NKAIN2: variants seen among roughly 807,000 people sequenced by gnomAD.
NKAIN2 encodes sodium/potassium transporting ATPase interacting 2.
Under a neutral mutation model 32.6 loss-of-function variants are expected in NKAIN2, and 14 were observed. That is an observed-to-expected ratio of 0.43 (90% CI 0.28 to 0.67). The LOEUF (loss-of-function observed/expected upper bound fraction) is 0.67, where lower values mean the gene tolerates loss of function less well. Ranked by LOEUF, NKAIN2 falls within the 30% of genes least tolerant of loss-of-function variation. The pLI, the probability that NKAIN2 is intolerant of heterozygous loss-of-function variation, is 0.17. For missense variants in NKAIN2, 198 were observed against 258.3 expected (o/e 0.77, Z 1.60); for synonymous variants, 80 against 87.2 (o/e 0.92, Z 0.46).
chr6:124,003,515 T>C (rs1308350236), intron 1 of NKAIN2, among the ~76,000 whole-genome samples: 1 of 152,204 alleles, frequency 6.6e-6, no homozygotes. Context: ...CACCAAATGC[T>C]TTTGAATGGA....
intron 4 of NKAIN2, among the ~76,000 whole-genome samples, chr6:124,767,145 T>C (rs9401771): frequency 0.92 from 140,249 of 152,064 alleles, 65,122 homozygotes; most frequent in East Asian, 1. Flanking sequence ...CTGCCCACCT[T>C]GGCCTCCCAA....
chr6:124,537,447 CTG>C (rs1779757833), intron 3 of NKAIN2, among the ~76,000 whole-genome samples: 1 of 152,136 alleles, frequency 6.6e-6, no homozygotes, highest in African/African-American at 2.4e-5. Context: ...TCCTGGAACT[CTG>C]TTGCTTGCTT....
intron 1 of NKAIN2, among the ~76,000 whole-genome samples, chr6:123,956,346 T>G (rs917795245): frequency 5.3e-5 from 8 of 152,154 alleles, no homozygotes; most frequent in Non-Finnish European, 1.0e-4. Context: ...ACCTTAAAAA[T>G]GTAATTAAGA....
intron 3 of NKAIN2, among the ~76,000 whole-genome samples, chr6:124,485,847 C>A (rs1777628474): frequency 6.6e-6 from 1 of 152,068 alleles, no homozygotes; most frequent in Non-Finnish European, 1.5e-5. Context: ...GTCTGGTGTC[C>A]TGTGAGGTGT....
intron 3 of NKAIN2, among the ~76,000 whole-genome samples, chr6:124,384,040 C>T (rs181382697): frequency 2.0e-5 from 3 of 152,242 alleles, no homozygotes; most frequent in Admixed American, 1.3e-4. Context: ...TGTAAGTATT[C>T]AATAAACATT....
chr6:123,908,951 C>G (rs1206344146), intron 1 of NKAIN2, among the ~76,000 whole-genome samples: 1 of 152,180 alleles, frequency 6.6e-6, no homozygotes, highest in African/African-American at 2.4e-5. Context: ...ATGACACTCT[C>G]TACCATTGTT....
chr6:124,441,149 C>A (rs916524727), intron 3 of NKAIN2, among the ~76,000 whole-genome samples: 19 of 152,066 alleles, frequency 1.2e-4, no homozygotes, highest in Non-Finnish European at 1.9e-4. Flanking sequence ...TCACACACTT[C>A]TACCCCTCTT....
At chr6:124,720,701 T>C (rs1383283505) in intron 4 of NKAIN2, among the ~76,000 whole-genome samples, 6 of 152,276 alleles carry the variant, frequency 3.9e-5, no homozygotes, top group Middle Eastern at 3.4e-3. Flanking sequence ...GTTGCAAACC[T>C]GCATCGTGGG....
intron 1 of NKAIN2, among the ~76,000 whole-genome samples, chr6:123,832,695 T>C (rs1774437831): frequency 6.6e-6 from 1 of 152,238 alleles, no homozygotes; most frequent in African/African-American, 2.4e-5. Context: ...TATCTCATTC[T>C]TGTTTTAATA....
intron 4 of NKAIN2, among the ~76,000 whole-genome samples, chr6:124,708,778 C>G (rs1229186109): frequency 2.6e-5 from 4 of 151,450 alleles, no homozygotes; most frequent in South Asian, 4.2e-4. Context: ...ATCATGTCGT[C>G]TGCAAACAGG....
chr6:123,998,679 GA>G (rs1779739628), intron 1 of NKAIN2, among the ~76,000 whole-genome samples: 1 of 151,436 alleles, frequency 6.6e-6, no homozygotes, highest in South Asian at 2.1e-4. Flanking sequence ...TCAAGATATG[GA>G]AACACCCTAA....
intron 1 of NKAIN2, among the ~76,000 whole-genome samples, chr6:124,232,432 G>A (rs933003960): frequency 1.3e-5 from 2 of 152,092 alleles, no homozygotes; most frequent in Non-Finnish European, 2.9e-5. Flanking sequence ...GAGCCTACAT[G>A]TTAAAGAATA....
At chr6:124,526,869 T>C (rs1018032707) in intron 3 of NKAIN2, among the ~76,000 whole-genome samples, 1 of 152,140 alleles carries the variant, frequency 6.6e-6, no homozygotes, top group African/African-American at 2.4e-5. Flanking sequence ...TGTTAATATA[T>C]AGTAATAAAC....
chr6:123,814,795 A>C (rs1487663039), intron 1 of NKAIN2, among the ~76,000 whole-genome samples: 1 of 152,202 alleles, frequency 6.6e-6, no homozygotes, highest in Non-Finnish European at 1.5e-5. Context: ...ATATTTCATA[A>C]TGTGAATAAA....
chr6:124,756,829 C>T (rs939495891), intron 4 of NKAIN2, among the ~76,000 whole-genome samples: 1 of 152,076 alleles, frequency 6.6e-6, no homozygotes, highest in Non-Finnish European at 1.5e-5. Context: ...CATTAGTCTT[C>T]CTTCATGTTA....
chr6:124,287,926 G>T (rs1795632833), intron 2 of NKAIN2, among the ~76,000 whole-genome samples: 2 of 150,934 alleles, frequency 1.3e-5, no homozygotes, highest in Non-Finnish European at 2.9e-5. Flanking sequence ...AAATGTTGCT[G>T]TGTAACATGC....
At chr6:124,608,286 C>T (rs1453582460) in intron 3 of NKAIN2, among the ~76,000 whole-genome samples, 1 of 152,090 alleles carries the variant, frequency 6.6e-6, no homozygotes, top group African/African-American at 2.4e-5. Flanking sequence ...CATGGTGACT[C>T]CCTCTGCCTC....
At chr6:124,437,642 C>T (rs1316513629) in intron 3 of NKAIN2, among the ~76,000 whole-genome samples, 1 of 152,050 alleles carries the variant, frequency 6.6e-6, no homozygotes, top group African/African-American at 2.4e-5. Context: ...GAAGCTGTTC[C>T]TCCCCATAAA....
At chr6:123,804,386 A>G (rs556323548) in intron 1 of NKAIN2, 132 bp downstream of exon 1, 1 of 792,108 alleles carries the variant, frequency 1.3e-6, no homozygotes, top group Non-Finnish European at 2.2e-6. Context: ...TATATTGCCT[A>G]TATTGAAGAT....
Sources: gnomAD v4.1 joint callset for allele counts (sites outside exome capture counted in the v4.1 genomes callset) on GRCh38, gnomAD v4.1.1 for gene constraint, MANE v1.5 for transcripts, NCBI Gene and HGNC (gene_info 2026-07-23, HGNC 2026-07-21) for gene names.